The following TRPC4 variants were observed in gnomAD, a reference collection of about 807,000 sequenced individuals.
The protein encoded by TRPC4 is short transient receptor potential channel 4.
Under a neutral mutation model 99.4 loss-of-function variants are expected in TRPC4, and 49 were observed. That is an observed-to-expected ratio of 0.49 (90% CI 0.39 to 0.63). The LOEUF is 0.63. TRPC4 is among the 20% of genes least tolerant of loss of function. The probability of loss-of-function intolerance (pLI) is 0.00; values close to 1 mark genes in which losing one functional copy is unlikely to be tolerated. For synonymous variants in TRPC4, 454 were observed against 425.9 expected (o/e 1.07, Z -0.81); for missense variants, 898 against 1,152.9 (o/e 0.78, Z 3.20).
chr13:37,803,303 A>G (rs1957451839), intron 1 of TRPC4, among the ~76,000 whole-genome samples: 1 of 152,098 alleles, frequency 6.6e-6, no homozygotes, highest in Non-Finnish European at 1.5e-5. Flanking sequence ...AGGAATCAAT[A>G]TCTGGATACT....
intron 4 of TRPC4, among the ~76,000 whole-genome samples, chr13:37,681,696 C>G (rs959382697): frequency 6.6e-6 from 1 of 152,066 alleles, no homozygotes; most frequent in Admixed American, 6.6e-5. Flanking sequence ...AACTAAAAAG[C>G]CTGAAGAGAA....
At chr13:37,733,169 A>T (rs1336359202) in intron 3 of TRPC4, among the ~76,000 whole-genome samples, 3 of 152,134 alleles carry the variant, frequency 2.0e-5, no homozygotes, top group East Asian at 1.9e-4. Context: ...GCTACCTGGG[A>T]GGCTGAGGTG....
chr13:37,768,322 G>A (rs1956444040), intron 2 of TRPC4, among the ~76,000 whole-genome samples: 1 of 151,458 alleles, frequency 6.6e-6, no homozygotes, highest in African/African-American at 2.4e-5. Context: ...AAAATTCTAG[G>A]AATTGACAGT....
At chr13:37,840,781 G>A (rs1364425546) in intron 1 of TRPC4, among the ~76,000 whole-genome samples, 2 of 151,928 alleles carry the variant, frequency 1.3e-5, no homozygotes, top group South Asian at 4.1e-4. Context: ...GCCACCAAAA[G>A]TTGGCCTTCC....
At chr13:37,742,555 A>G (rs905445412) in intron 3 of TRPC4, among the ~76,000 whole-genome samples, 38 of 152,276 alleles carry the variant, frequency 2.5e-4, no homozygotes, top group African/African-American at 8.9e-4. Flanking sequence ...CATTTATCCA[A>G]GAGAGTCTAT....
intron 2 of TRPC4, among the ~76,000 whole-genome samples, chr13:37,777,281 G>A (rs1956731480): frequency 6.6e-6 from 1 of 151,916 alleles, no homozygotes; most frequent in Non-Finnish European, 1.5e-5. Flanking sequence ...CTATACAGGA[G>A]GCATGGCTGG....
chr13:37,747,242 T>C (rs966932919), intron 2 of TRPC4, among the ~76,000 whole-genome samples: 2 of 152,112 alleles, frequency 1.3e-5, no homozygotes, highest in African/African-American at 4.8e-5. Flanking sequence ...ATCTGCCAGG[T>C]ACATTAACCC....
intron 1 of TRPC4, among the ~76,000 whole-genome samples, chr13:37,823,619 C>G (rs550756266): frequency 6.6e-6 from 1 of 151,524 alleles, no homozygotes; most frequent in East Asian, 2.0e-4. Context: ...CTGTTCTGTT[C>G]CATTGATCTA....
Position 37,635,698 on chromosome 13 carries a change from T to C in TRPC4, c.*1205A>G, listed in dbSNP as rs1263566666. The stretch of plus-strand genomic sequence containing the variant: ...ATGTAAAATTTAAGCTTTAAGTTTC[T>C]AGTATCAATTTTATGTAAGTTGCGA... On this transcript the variant is annotated 3_prime_UTR_variant, in exon 11 of 11. Coordinates refer to ENST00000379705, the MANE Select transcript of TRPC4 (RefSeq NM_016179.4). Among the ~76,000 whole-genome samples, 1 of 152,136 alleles carries C rather than the reference T, an allele frequency of 6.6e-6. No homozygotes were observed. The highest frequency in any genetic ancestry group is 2.4e-5 in the African/African-American group (1 of 41,442).
At chr13:37,812,189 A>AAAAAAAAAAC (rs1555276093) in intron 1 of TRPC4, among the ~76,000 whole-genome samples, 2 of 149,102 alleles carry the variant, frequency 1.3e-5, no homozygotes, top group African/African-American at 4.9e-5. Flanking sequence ...AAAAAAAAAA[A>AAAAAAAAAAC]AAAAAACCAG....
intron 2 of TRPC4, among the ~76,000 whole-genome samples, chr13:37,753,680 T>G (rs1271762025): frequency 6.6e-6 from 1 of 151,960 alleles, no homozygotes; most frequent in Non-Finnish European, 1.5e-5. Context: ...AGAAGAGATC[T>G]CATCCAGATG....
chr13:37,861,756 A>G (rs1190043476), intron 1 of TRPC4, among the ~76,000 whole-genome samples: 1 of 151,536 alleles, frequency 6.6e-6, no homozygotes, highest in Non-Finnish European at 1.5e-5. Context: ...GAACCAGATA[A>G]GCAAATAACG....
chr13:37,840,610 A>G (rs2139635051), intron 1 of TRPC4, among the ~76,000 whole-genome samples: 1 of 152,068 alleles, frequency 6.6e-6, no homozygotes, highest in East Asian at 1.9e-4. Flanking sequence ...AGGCAGTTTT[A>G]TATGTTCCAA....
rs980729958 is a variant in TRPC4, at chr13:37,765,892, C to T, written c.378+17064G>A. On this transcript the variant is annotated intron_variant, in intron 2 of 10. Transcript: ENST00000379705. ...TTTGATGTTTTTTTAAATGCACAAA[C>T]GAACATGTACTCAAATAATTCCATA... 1.1e-4 allele frequency among the ~76,000 whole-genome samples: 17 copies of T among 151,112 alleles called. 1 individual carries two copies. The highest frequency in any genetic ancestry group is 3.3e-4 in the Admixed American group (5 of 15,106).
At chr13:37,814,393 A>C (rs1257476283) in intron 1 of TRPC4, among the ~76,000 whole-genome samples, 1 of 151,850 alleles carries the variant, frequency 6.6e-6, no homozygotes, top group Non-Finnish European at 1.5e-5. Context: ...TATCTATTTC[A>C]AGATGACATG....
At chr13:37,709,180 A>T (rs1186921597) in intron 3 of TRPC4, among the ~76,000 whole-genome samples, 1 of 151,994 alleles carries the variant, frequency 6.6e-6, no homozygotes, top group African/African-American at 2.4e-5. Context: ...AGCCTTAAAA[A>T]TAGTCTGGTA....
At chr13:37,676,551 T>C (rs1461005075) in intron 4 of TRPC4, among the ~76,000 whole-genome samples, 3 of 152,048 alleles carry the variant, frequency 2.0e-5, no homozygotes, top group African/African-American at 4.8e-5. Context: ...TTTTTGTATT[T>C]TAGTAGAGAC....
intron 3 of TRPC4, among the ~76,000 whole-genome samples, chr13:37,738,766 TAC>T (rs151160054): frequency 0.015 from 2,352 of 152,210 alleles, 32 homozygotes; most frequent in Middle Eastern, 0.061. Flanking sequence ...CTGGCTGAAA[TAC>T]AGACTCTAAG....
chr13:37,842,341 GC>G (rs1157287105), intron 1 of TRPC4, among the ~76,000 whole-genome samples: 215 of 20,590 alleles, frequency 0.01, 1 homozygote, highest in East Asian at 0.025. Flanking sequence ...ATAGCGTCTA[GC>G]CAAAAAAAAA....
Sources: gnomAD v4.1 joint callset for allele counts (sites outside exome capture counted in the v4.1 genomes callset) on GRCh38, gnomAD v4.1.1 for gene constraint, MANE v1.5 for transcripts, NCBI Gene and HGNC (gene_info 2026-07-23, HGNC 2026-07-21) for gene names.